ABCC11: variants seen among roughly 807,000 people sequenced by gnomAD.
The protein encoded by ABCC11 is ATP binding cassette subfamily C member 11.
Under a neutral mutation model 149.3 loss-of-function variants are expected in ABCC11, and 135 were observed. That is an observed-to-expected ratio of 0.90 (90% CI 0.79 to 1.04). ABCC11 has a LOEUF of 1.04. ABCC11 is among the 50% of genes least tolerant of loss of function. The pLI, the probability that ABCC11 is intolerant of heterozygous loss-of-function variation, is 0.00. For missense variants in ABCC11, 1,680 were observed against 1,722.1 expected, an observed-to-expected ratio of 0.98 and a Z score of 0.43; for synonymous variants, 665 against 671.4, an observed-to-expected ratio of 0.99 and a Z score of 0.15.
In ABCC11 at chr16:48,205,319, G is replaced by A. The variant is rs750717685; in HGVS notation, c.1805+94C>T. 1.0e-5 allele frequency: 16 copies of A among 1,526,232 alleles called. No homozygotes were observed. The Admixed American group carries it at 1.4e-4, about 14-fold the overall frequency. The allele number at this position is 1,526,232 out of a possible 1,614,324, so 94.5% of individuals were successfully genotyped here. On this transcript the variant is annotated intron_variant, in intron 13 of 29. Coordinates refer to ENST00000356608, the MANE Select transcript of ABCC11 (RefSeq NM_001370497.1). ...TAATGCGTTTAAGTGGAGCACACAA[G>A]TGTTAGCAGTTGTCAGGTTACCGTT... is the stretch of plus-strand genomic sequence containing the variant.
At chr16:48,199,160 C>T (rs1967711831) in intron 15 of ABCC11, among the ~76,000 whole-genome samples, 1 of 151,448 alleles carries the variant, frequency 6.6e-6, no homozygotes. Flanking sequence ...AAAATAAATT[C>T]TATAAAGTTT....
At chr16:48,200,918 A>G (rs1036694639) in intron 14 of ABCC11, among the ~76,000 whole-genome samples, 2 of 152,234 alleles carry the variant, frequency 1.3e-5, no homozygotes, top group African/African-American at 4.8e-5. Context: ...AATAGAAATG[A>G]TAAATACCCT....
chr16:48,234,115 C>T (rs1239029013), intron 1 of ABCC11, among the ~76,000 whole-genome samples: 1 of 152,188 alleles, frequency 6.6e-6, no homozygotes, highest in Non-Finnish European at 1.5e-5. Flanking sequence ...GTAGCCTTTG[C>T]CTATTTCTGT....
intron 18 of ABCC11, among the ~76,000 whole-genome samples, chr16:48,195,782 T>G (rs1967344257): frequency 6.6e-6 from 1 of 152,208 alleles, no homozygotes; most frequent in Admixed American, 6.5e-5. Flanking sequence ...TCCGATTCTA[T>G]TTCATGTCTT....
At chr16:48,242,817 G>A (rs1408235884) in intron 1 of ABCC11, among the ~76,000 whole-genome samples, 2 of 151,852 alleles carry the variant, frequency 1.3e-5, no homozygotes, top group Non-Finnish European at 2.9e-5. Flanking sequence ...AACACTGCAA[G>A]TTCTCACTCA....
chr16:48,176,290 G>C (rs1966066525), intron 25 of ABCC11, among the ~76,000 whole-genome samples: 1 of 152,124 alleles, frequency 6.6e-6, no homozygotes, highest in African/African-American at 2.4e-5. Context: ...GGGGGACTGG[G>C]GACAAGAACC....
chr16:48,218,912 T>G (rs1317137562), intron 6 of ABCC11, among the ~76,000 whole-genome samples: 4 of 152,148 alleles, frequency 2.6e-5, no homozygotes, highest in African/African-American at 9.7e-5. Flanking sequence ...AAGGACGATC[T>G]ATGTGTGCTA....
rs1472394321 is a variant in ABCC11 at position 48,213,715 on chromosome 16, G to C, written c.1249-165C>G. Reference sequence around the variant, plus strand: ...AGGAGACTGGAAAAAGCTGGGGAAAGAGCACTCGTCCTGGAGTCTTAGAGT... The same window carrying C: ...AGGAGACTGGAAAAAGCTGGGGAAACAGCACTCGTCCTGGAGTCTTAGAGT... On this transcript the variant is annotated intron_variant, in intron 9 of 29. Coordinates refer to ENST00000356608, the MANE Select transcript of ABCC11 (RefSeq NM_001370497.1). Among the ~76,000 whole-genome samples the C allele has an allele frequency of 2.0e-5, 3 of 152,230 alleles. No individual in the cohort carries two copies. The East Asian group carries it at 5.8e-4, about 29-fold the overall frequency.
At position 48,215,317 on chromosome 16, in the gene ABCC11, C is replaced by A. The variant is rs763172242; in HGVS notation, c.979G>T (p.Ala327Ser). The change falls in exon 8 of 30, where the codon GCT (alanine) becomes TCT (serine). Residue 327 changes from alanine (A) to serine (S), a missense_variant. Coordinates refer to ENST00000356608, the MANE Select transcript of ABCC11 (RefSeq NM_001370497.1). ...CTGACCTCAGATGTGTGATGCTGAG[C>A]CTTCACAGCCATTCTTGTCATGAAT... is the stretch of plus-strand genomic sequence containing the variant. ...AVFMTRMAVK[A>S]QHHTSEVSDQ... 5.8e-5 allele frequency: 93 copies of A among 1,613,796 alleles called. No individual in the cohort carries two copies. The highest frequency in any genetic ancestry group is 7.4e-5 in the Non-Finnish European group (87 of 1,179,846).
intron 4 of ABCC11, among the ~76,000 whole-genome samples, chr16:48,225,014 C>A (rs142657598): frequency 6.6e-5 from 10 of 150,882 alleles, no homozygotes; most frequent in Non-Finnish European, 1.5e-4. Context: ...CAGAGTGAGA[C>A]TCCATCTCAA....
At chr16:48,245,336 C>T (rs890432333) in intron 1 of ABCC11, among the ~76,000 whole-genome samples, 1 of 152,200 alleles carries the variant, frequency 6.6e-6, no homozygotes, top group African/African-American at 2.4e-5. Context: ...TACCCTCGCC[C>T]TATTGGTGTG....
chr16:48,192,050 A>T (rs908957651), intron 20 of ABCC11, among the ~76,000 whole-genome samples: 1 of 152,128 alleles, frequency 6.6e-6, no homozygotes. Context: ...TAGGAGGCCA[A>T]TGTGGGAGGA....
intron 6 of ABCC11, among the ~76,000 whole-genome samples, chr16:48,216,507 C>G (rs1012582921): frequency 3.3e-5 from 5 of 152,316 alleles, no homozygotes; most frequent in Non-Finnish European, 4.4e-5. Flanking sequence ...ATCTGTAAAG[C>G]TGGAATAATT....
Position 48,213,439 on chromosome 16 carries a change from C to T in ABCC11, c.1356+4G>A. 6.2e-7 allele frequency: 1 copy of T among 1,609,764 alleles called. No individual in the cohort carries two copies. Among genetic ancestry groups the T allele is most frequent in the Non-Finnish European group, 8.5e-7 (1 of 1,177,604 alleles). On this transcript the variant is annotated splice_donor_region_variant and intron_variant, in intron 10 of 29. Coordinates refer to ENST00000356608, the MANE Select transcript of ABCC11 (RefSeq NM_001370497.1). ...GGCCTACAGCCAGTCCCCTGATGAC[C>T]TACCTTGAACCTCATCACTGCAGAC...
chr16:48,232,129 G>T, intron 1 of ABCC11, 190 bp from the exon 2 acceptor site: 1 of 1,311,584 alleles, frequency 7.6e-7, no homozygotes, highest in South Asian at 2.0e-5. Flanking sequence ...ATCTTCTCAG[G>T]CCTCAGGCCC....
At position 48,194,000 on chromosome 16, in the gene ABCC11, G is replaced by A; in HGVS notation, c.2405-18C>T. On this transcript the variant is annotated intron_variant, in intron 18 of 29. Transcript: ENST00000356608. ...CATGTAACCTGGGAGGGAGACAGTGGTGATGTACAAGTGCCACAAACAGGT... is the reference window on the plus strand; with the variant it reads ...CATGTAACCTGGGAGGGAGACAGTGATGATGTACAAGTGCCACAAACAGGT... The A allele has an allele frequency of 6.3e-7, 1 of 1,583,860 alleles. No homozygotes were observed. The highest frequency in any genetic ancestry group is 8.7e-7 in the Non-Finnish European group (1 of 1,153,180).
chr16:48,222,329 G>C (rs1359876078), intron 6 of ABCC11, among the ~76,000 whole-genome samples: 1 of 151,982 alleles, frequency 6.6e-6, no homozygotes, highest in Non-Finnish European at 1.5e-5. Context: ...CTCCTGCCTG[G>C]GCCTCCCAAA....
chr16:48,171,963 A>G (rs1965749985), intron 26 of ABCC11, among the ~76,000 whole-genome samples: 1 of 152,192 alleles, frequency 6.6e-6, no homozygotes, highest in African/African-American at 2.4e-5. Context: ...ACTCGGTCTC[A>G]GAACAAAACA....
chr16:48,187,543 G>C, intron 20 of ABCC11, 116 bp from the exon 21 acceptor site: 1 of 828,056 alleles, frequency 1.2e-6, no homozygotes, highest in Non-Finnish European at 1.9e-6. Flanking sequence ...GGGTCTCCAG[G>C]GCAGGCAATG....
Sources: allele counts gnomAD v4.1 joint callset (sites outside exome capture counted in the v4.1 genomes callset), GRCh38; gene constraint gnomAD v4.1.1; transcripts MANE v1.5; gene names NCBI Gene and HGNC (gene_info 2026-07-23, HGNC 2026-07-21).